The following VAC14 variants were observed in gnomAD, a reference collection of about 807,000 sequenced individuals.
The protein encoded by VAC14 is VAC14 component of PIKFYVE complex.
A neutral mutation model predicts 85.3 loss-of-function variants in VAC14; 47 were observed. The ratio of observed to expected loss-of-function variants is 0.55; its 90% CI spans 0.44 to 0.70. The LOEUF (loss-of-function observed/expected upper bound fraction) is 0.70. Among genes scored for constraint, VAC14 ranks in the 30% least tolerant of loss-of-function variants. The pLI is 0.00. For missense variants in VAC14, 861 were observed against 1,004.3 expected (o/e 0.86, Z 1.93); for synonymous variants, 447 against 430.5 (o/e 1.04, Z -0.47).
At chr16:70,746,087 C>T (rs1216126320) in intron 12 of VAC14, among the ~76,000 whole-genome samples, 2 of 152,112 alleles carry the variant, frequency 1.3e-5, no homozygotes, top group Non-Finnish European at 2.9e-5. Flanking sequence ...TAAGGCCTAC[C>T]CCCTCAAAAG....
At chr16:70,697,037 A>G in intron 16 of VAC14, 102 bp downstream of exon 16, 1 of 894,328 alleles carries the variant, frequency 1.1e-6, no homozygotes, top group Non-Finnish European at 1.8e-6. Context: ...GGGTGGGGAC[A>G]GGAGCATGGC....
At chr16:70,791,867 T>C (rs2034354760) in intron 1 of VAC14, among the ~76,000 whole-genome samples, 1 of 152,210 alleles carries the variant, frequency 6.6e-6, no homozygotes, top group Non-Finnish European at 1.5e-5. Flanking sequence ...CACACTGCCA[T>C]ATTGGTGACA....
chr16:70,690,851 G>A (rs2053583068), intron 18 of VAC14: 3 of 985,378 alleles, frequency 3.0e-6, no homozygotes, highest in South Asian at 9.4e-5. Context: ...TCTCTTCCTA[G>A]GTCGTTGCAA....
At chr16:70,719,012 G>T (rs1280791105) in intron 14 of VAC14, among the ~76,000 whole-genome samples, 1 of 152,206 alleles carries the variant, frequency 6.6e-6, no homozygotes, top group African/African-American at 2.4e-5. Flanking sequence ...GCCACCCAAA[G>T]GGTGCTGCCC....
chr16:70,708,251 C>T (rs909215884), intron 14 of VAC14, among the ~76,000 whole-genome samples: 4 of 152,218 alleles, frequency 2.6e-5, no homozygotes, highest in Non-Finnish European at 5.9e-5. Flanking sequence ...GGTACTTGGC[C>T]CCTGGGCCCT....
At chr16:70,784,915 A>T in intron 3 of VAC14, 77 bp from the exon 4 acceptor site, 1 of 1,334,968 alleles carries the variant, frequency 7.5e-7, no homozygotes, top group Non-Finnish European at 1.1e-6. Flanking sequence ...TTTCCTGCAA[A>T]TCCGCAGCCG....
At position 70,785,765 on chromosome 16, in the gene VAC14, G is replaced by C. The variant is rs756033177; in HGVS notation, c.360C>G (p.Ile120Met). Residue 120 changes from isoleucine to methionine, a missense_variant, in exon 3 of 19, where the codon ATC becomes ATG. Ile to Met is a conservative substitution (Grantham distance 10, BLOSUM62 1). Around this residue, in one of 3 missense-constraint regions of VAC14, gnomAD observed 629 missense variants for 703.1 expected, o/e 0.89. Coordinates refer to ENST00000261776, the MANE Select transcript of VAC14 (RefSeq NM_018052.5). ...RYYACEALYNIVKVARGAVLP... is the reference protein window; with the variant it reads ...RYYACEALYNMVKVARGAVLP... Reference sequence around the variant, plus strand: ...GCACAGCGCCCCGGGCCACCTTGACGATGTTGTAGAGGGCCTCGCAGGCAT... The same window carrying C: ...GCACAGCGCCCCGGGCCACCTTGACCATGTTGTAGAGGGCCTCGCAGGCAT... 1 of 1,583,016 alleles carries C rather than the reference G, an allele frequency of 6.3e-7. No homozygotes were observed. Among genetic ancestry groups the C allele is most frequent in the Non-Finnish European group, 8.6e-7 (1 of 1,162,992 alleles).
intron 14 of VAC14, among the ~76,000 whole-genome samples, chr16:70,724,678 G>A (rs903033326): frequency 1.3e-5 from 2 of 152,198 alleles, no homozygotes; most frequent in East Asian, 1.9e-4. Context: ...CTTGCATGGC[G>A]ACAAAAACAC....
At chr16:70,796,737 C>G (rs1484932951) in intron 1 of VAC14, among the ~76,000 whole-genome samples, 1 of 152,210 alleles carries the variant, frequency 6.6e-6, no homozygotes, top group Non-Finnish European at 1.5e-5. Context: ...GCAGACAGCA[C>G]TTTATATACG....
chr16:70,785,638 A>C, intron 3 of VAC14, 64 bp downstream of exon 3: 1 of 1,487,900 alleles, frequency 6.7e-7, no homozygotes, highest in Non-Finnish European at 9.0e-7. Flanking sequence ...CCAAGGTTCC[A>C]GAAGGTCAAG....
intron 14 of VAC14, chr16:70,699,120 A>C (rs2053771610): frequency 3.2e-6 from 1 of 313,452 alleles, no homozygotes. Context: ...ATAGTTCCTG[A>C]GATCCCGTCA....
chr16:70,719,274 T>A (rs2054233184), intron 14 of VAC14, among the ~76,000 whole-genome samples: 1 of 152,100 alleles, frequency 6.6e-6, no homozygotes, highest in South Asian at 2.1e-4. Flanking sequence ...CAATCATCAC[T>A]CAGAAACAGG....
intron 13 of VAC14, among the ~76,000 whole-genome samples, chr16:70,734,625 A>C (rs2054693965): frequency 6.6e-6 from 1 of 152,148 alleles, no homozygotes; most frequent in Admixed American, 6.5e-5. Context: ...ATACAGTGTG[A>C]GGAAAGGGTC....
intron 1 of VAC14, among the ~76,000 whole-genome samples, chr16:70,790,797 T>G (rs2034300725): frequency 6.6e-6 from 1 of 152,158 alleles, no homozygotes; most frequent in African/African-American, 2.4e-5. Context: ...GACAGCCCAT[T>G]CAGGCCCTGT....
intron 14 of VAC14, among the ~76,000 whole-genome samples, chr16:70,703,100 C>A (rs767106001): frequency 1.3e-5 from 2 of 152,332 alleles, no homozygotes; most frequent in East Asian, 3.9e-4. Flanking sequence ...TGTCCCTGCC[C>A]GGCGGAGGCC....
intron 10 of VAC14, chr16:70,768,872 C>T (rs1289139651): frequency 2.2e-6 from 1 of 451,202 alleles, no homozygotes; most frequent in South Asian, 1.6e-5. Flanking sequence ...GCGATCTCGG[C>T]TCACTGAAAC....
At chr16:70,689,189 G>A (rs2142979814) in intron 18 of VAC14, 21 of 977,384 alleles carry the variant, frequency 2.1e-5, no homozygotes, top group East Asian at 2.3e-4. Context: ...TCTGCAAAGC[G>A]AGGGCTACCT....
rs367797796 is a variant in VAC14, at chr16:70,780,754, G to A, written c.1096+36C>T. ...ATGACATCTGGCTCCCTGGGCCCCC[G>A]ACAGGAGGTGAGGTGTAGGGACGGA... On this transcript the variant is annotated intron_variant, in intron 9 of 18. Coordinates refer to ENST00000261776, the MANE Select transcript of VAC14 (RefSeq NM_018052.5). 1.8e-5 allele frequency: 28 copies of A among 1,536,874 alleles called. No homozygotes were observed. The African/African-American group carries it at 2.2e-4, about 12-fold the overall frequency.
In VAC14 at chr16:70,766,442, G is replaced by C. The variant is rs16970525; in HGVS notation, c.1161-3417C>G. On this transcript the variant is annotated intron_variant, in intron 10 of 18. Transcript: ENST00000261776. ...TTAACATTCTCCAACTTTCTCCACA[G>C]CAAACACCTGAACACAGCGAACCTG... 4.7e-3 allele frequency: 2,138 copies of C among 455,130 alleles called. 46 individuals carry two copies. The highest frequency in any genetic ancestry group is 0.039 in the African/African-American group (1,945 of 50,116). The allele number at this position is 455,130 out of a possible 1,614,324, so 28.2% of individuals were successfully genotyped here.
Sources: allele counts gnomAD v4.1 joint callset (sites outside exome capture counted in the v4.1 genomes callset), GRCh38; gene constraint gnomAD v4.1.1; regional missense constraint gnomAD v4.1.1; transcripts MANE v1.5; gene names NCBI Gene and HGNC (gene_info 2026-07-23, HGNC 2026-07-21).